GFM1: variants seen among roughly 807,000 people sequenced by gnomAD.
The protein encoded by GFM1 is elongation factor G, mitochondrial.
GFM1 carries 62 observed loss-of-function variants against 96.2 expected under a neutral mutation model. The ratio of observed to expected loss-of-function variants is 0.64; its 90% confidence interval spans 0.53 to 0.80. The LOEUF (loss-of-function observed/expected upper bound fraction) is 0.80, where lower values mean the gene tolerates loss of function less well. Among genes scored for constraint, GFM1 ranks in the 30% least tolerant of loss-of-function variants. The pLI is 0.00. For missense variants in GFM1, 852 were observed against 916.6 expected (o/e 0.93, Z 0.91); for synonymous variants, 282 against 312.9 (o/e 0.90, Z 1.04).
At chr3:158,687,986 T>C (rs76087819) in intron 15 of GFM1, among the ~76,000 whole-genome samples, 7,974 of 152,052 alleles carry the variant, frequency 0.052, 665 homozygotes, top group African/African-American at 0.18. Flanking sequence ...AGTGAAAATG[T>C]TGGTAAATGA....
At chr3:158,648,678 CAAA>C (rs9331287) in intron 4 of GFM1, among the ~76,000 whole-genome samples, 41,503 of 102,122 alleles carry the variant, frequency 0.41, 6,345 homozygotes, top group African/African-American at 0.43. Context: ...ACTCTTGTCT[CAAA>C]AAAAAAAAAA....
chr3:158,688,242 C>A (rs1726027478), intron 15 of GFM1, among the ~76,000 whole-genome samples: 1 of 152,068 alleles, frequency 6.6e-6, no homozygotes, highest in Non-Finnish European at 1.5e-5. Flanking sequence ...GGAAAAATTT[C>A]TTTTAGGACT....
intron 6 of GFM1, among the ~76,000 whole-genome samples, chr3:158,653,089 A>G (rs982096371): frequency 6.6e-6 from 1 of 152,176 alleles, no homozygotes; most frequent in Non-Finnish European, 1.5e-5. Flanking sequence ...AGAGTGTCGA[A>G]AGCAGTTGTA....
intron 8 of GFM1, 84 bp from the exon 9 acceptor site, chr3:158,658,838 G>T (rs1722968977): frequency 4.9e-6 from 7 of 1,431,676 alleles, no homozygotes; most frequent in Non-Finnish European, 6.9e-6. Flanking sequence ...AGAATACTTG[G>T]AGGGAGTTAT....
intron 5 of GFM1, chr3:158,650,082 TC>T: frequency 6.6e-7 from 1 of 1,524,204 alleles, no homozygotes; most frequent in Non-Finnish European, 8.8e-7. Flanking sequence ...GGCATTGTGA[TC>T]AGTGAACTAT....
In GFM1 at chr3:158,646,853, C is replaced by CG; in HGVS notation, c.479dup (p.Gln161SerfsTer14). ...ACAGTGCCAGACCATGACTGTCAATCGTCAGATGAAGCGCTACAACGTTCC... is the reference window on the plus strand; with the variant it reads ...ACAGTGCCAGACCATGACTGTCAATCGGTCAGATGAAGCGCTACAACGTTCC... On this transcript the variant is annotated frameshift_variant, in exon 4 of 18. Transcript: ENST00000486715. LOFTEE classifies it high-confidence loss of function. 6.2e-7 allele frequency: 1 copy of CG among 1,614,006 alleles called. No individual in the cohort carries two copies. Among genetic ancestry groups the CG allele is most frequent in the Non-Finnish European group, 8.5e-7 (1 of 1,179,956 alleles).
Position 158,691,512 on chromosome 3 carries a change from T to C in GFM1, c.*45T>C. On this transcript the variant is annotated 3_prime_UTR_variant, in exon 18 of 18. Transcript: ENST00000486715. ...ACTGACTCTAATTGAATCTGCGTGGTTTTGATACTTTGATGGATTCCAGTG... is the reference window on the plus strand; with the variant it reads ...ACTGACTCTAATTGAATCTGCGTGGCTTTGATACTTTGATGGATTCCAGTG... 1.2e-6 allele frequency: 2 copies of C among 1,605,742 alleles called. No homozygotes were observed. The highest frequency in any genetic ancestry group is 1.7e-6 in the Non-Finnish European group (2 of 1,174,552).
chr3:158,686,157 GTTATATA>G (rs1262504395), intron 15 of GFM1, among the ~76,000 whole-genome samples: 1 of 147,978 alleles, frequency 6.8e-6, no homozygotes, highest in East Asian at 2.0e-4. Flanking sequence ...TATATAATAT[GTTATATA>G]TTATATGTGT....
intron 13 of GFM1, among the ~76,000 whole-genome samples, chr3:158,681,529 G>A (rs1400044125): frequency 6.6e-6 from 1 of 152,030 alleles, no homozygotes; most frequent in East Asian, 1.9e-4. Flanking sequence ...CCCTTTTCTT[G>A]TATTGCCTGA....
chr3:158,683,544 T>A (rs919089714), intron 14 of GFM1, among the ~76,000 whole-genome samples: 1 of 152,256 alleles, frequency 6.6e-6, no homozygotes, highest in African/African-American at 2.4e-5. Context: ...TTCTAGTTCT[T>A]ACTGACGTTT....
At position 158,690,681 on chromosome 3, in the gene GFM1, T is replaced by A. The variant is rs145277520; in HGVS notation, c.2070+358T>A. 370 of 332,236 alleles carry A rather than the reference T, an allele frequency of 1.1e-3. 1 individual carries two copies. Among genetic ancestry groups the A allele is most frequent in the South Asian group, 9.6e-3 (333 of 34,736 alleles). 20.6% of individuals were successfully genotyped at this position (332,236 alleles called of 1,614,324 possible). A position where few individuals can be genotyped will look rare whatever the true frequency, so the allele number is the denominator to read the frequency against. On this transcript the variant is annotated intron_variant, in intron 16 of 17. Transcript: ENST00000486715. ...TTTATTGTTATCTTTAATTTATCCC[T>A]CTTAATTACCTTGCCTGTACCTTTC... is the stretch of plus-strand genomic sequence containing the variant.
At position 158,658,978 on chromosome 3, in the gene GFM1, G is replaced by A. The variant is rs777626760; in HGVS notation, c.1140G>A (p.Lys380=). Residue 380 remains lysine, a synonymous_variant, in exon 9 of 18, where the codon AAG becomes AAA. Transcript: ENST00000486715. The part of the protein sequence containing the change: ...YVRSYQGELK[K]GDTIYNTRTR... Reference sequence around the variant, plus strand: ...GCAGTTATCAGGGAGAGCTAAAGAAGGGTGACACCATCTATAACACAAGGA... The same window carrying A: ...GCAGTTATCAGGGAGAGCTAAAGAAAGGTGACACCATCTATAACACAAGGA... The A allele has an allele frequency of 1.9e-6, 3 of 1,614,120 alleles. No homozygotes were observed. Among genetic ancestry groups the A allele is most frequent in the East Asian group, 2.2e-5 (1 of 44,876 alleles).
chr3:158,691,072 G>A (rs1029553443), intron 16 of GFM1, 67 bp from the exon 17 acceptor site: 4 of 1,049,218 alleles, frequency 3.8e-6, no homozygotes, highest in Non-Finnish European at 6.0e-6. Context: ...TGGCTAAAAT[G>A]CGTCTGTATT....
chr3:158,658,153 A>T (rs1722913080), intron 8 of GFM1, among the ~76,000 whole-genome samples: 1 of 117,126 alleles, frequency 8.5e-6, no homozygotes. Context: ...CACTTCACAG[A>T]ACTCTTTTTT....
chr3:158,653,221 C>A (rs1474474624), intron 6 of GFM1, 89 bp from the exon 7 acceptor site: 5 of 1,026,064 alleles, frequency 4.9e-6, no homozygotes, highest in Non-Finnish European at 5.9e-6. Flanking sequence ...AGTAGAGTAT[C>A]AGTTCATTTT....
At chr3:158,647,295 T>C (rs574546909) in intron 4 of GFM1, among the ~76,000 whole-genome samples, 172 of 152,344 alleles carry the variant, frequency 1.1e-3, no homozygotes, top group African/African-American at 4.0e-3. Flanking sequence ...AGATCATCTT[T>C]GGTTTTAATT....
chr3:158,682,893 G>T (rs915184178), intron 14 of GFM1, among the ~76,000 whole-genome samples: 6 of 151,960 alleles, frequency 3.9e-5, no homozygotes, highest in Non-Finnish European at 8.8e-5. Flanking sequence ...AAATTAGCCC[G>T]GTGTAGTGGC....
intron 9 of GFM1, chr3:158,660,604 T>G: frequency 2.3e-6 from 1 of 444,008 alleles, no homozygotes; most frequent in African/African-American, 2.0e-5. Context: ...CACTGTGTTG[T>G]TAGTACTGCA....
chr3:158,691,576 C>CGCTTCCTGGGCTCAG lies in GFM1; in HGVS notation c.*109_*110insGCTTCCTGGGCTCAG. On this transcript the variant is annotated 3_prime_UTR_variant, in exon 18 of 18. Transcript: ENST00000486715. ...CTGCTGAAACAAGAAATTCTGAGCC[C>CGCTTCCTGGGCTCAG]AGGAAGCGGGCTCTTCTTTCTTCAA... 8.0e-7 allele frequency: 1 copy of CGCTTCCTGGGCTCAG among 1,255,096 alleles called. No homozygotes were observed. The highest frequency in any genetic ancestry group is 1.2e-6 in the Non-Finnish European group (1 of 864,936). 77.7% of individuals were successfully genotyped at this position (1,255,096 alleles called of 1,614,324 possible).
Sources: allele counts gnomAD v4.1 joint callset (sites outside exome capture counted in the v4.1 genomes callset), GRCh38; gene constraint gnomAD v4.1.1; transcripts MANE v1.5; gene names NCBI Gene and HGNC (gene_info 2026-07-23, HGNC 2026-07-21).